Variants in KSR2 observed in about 807,000 individuals in gnomAD.
KSR2 encodes the protein kinase suppressor of ras 2.
KSR2 carries 25 observed loss-of-function variants against 107.8 expected under a neutral mutation model. The ratio of observed to expected loss-of-function variants is 0.23; its 90% CI spans 0.17 to 0.32. The LOEUF is 0.32. KSR2 is among the 10% of genes least tolerant of loss of function. The pLI is 1.00. For synonymous variants in KSR2, 480 were observed against 507.0 expected (o/e 0.95, Z 0.71); for missense variants, 887 against 1,268.9 (o/e 0.70, Z 4.57).
intron 1 of KSR2, among the ~76,000 whole-genome samples, chr12:117,958,755 A>G (rs1896583415): frequency 6.6e-6 from 1 of 152,192 alleles, no homozygotes; most frequent in South Asian, 2.1e-4. Flanking sequence ...TGGGAGACAG[A>G]GGTTGTAGTG....
At chr12:117,848,818 G>GGGTGGTGAT (rs1161885776) in intron 3 of KSR2, among the ~76,000 whole-genome samples, 6 of 143,132 alleles carry the variant, frequency 4.2e-5, no homozygotes, top group Non-Finnish European at 6.1e-5. Context: ...TGATGGTGGT[G>GGGTGGTGAT]GGTGGTGATG....
chr12:117,763,760 T>C (rs1889130675), intron 3 of KSR2, among the ~76,000 whole-genome samples: 1 of 152,140 alleles, frequency 6.6e-6, no homozygotes, highest in African/African-American at 2.4e-5. Flanking sequence ...TTCTCAAAGA[T>C]CACTCAGGCT....
intron 5 of KSR2, among the ~76,000 whole-genome samples, chr12:117,625,946 C>G (rs1037836050): frequency 1.2e-4 from 18 of 152,120 alleles, no homozygotes; most frequent in Non-Finnish European, 5.9e-5. Context: ...TATATGTGTC[C>G]AGGAATTTAT....
chr12:117,527,513 T>C (rs1592958546), intron 12 of KSR2, among the ~76,000 whole-genome samples: 1 of 152,224 alleles, frequency 6.6e-6, no homozygotes, highest in East Asian at 1.9e-4. Context: ...CAGAGCTGTA[T>C]ATGTTTGCCA....
intron 4 of KSR2, among the ~76,000 whole-genome samples, chr12:117,758,157 A>G (rs1888862837): frequency 6.6e-6 from 1 of 152,156 alleles, no homozygotes; most frequent in African/African-American, 2.4e-5. Context: ...GAGAGGTTAA[A>G]TCCAAGGTCA....
At chr12:117,693,807 C>T (rs559675072) in intron 4 of KSR2, among the ~76,000 whole-genome samples, 11 of 152,140 alleles carry the variant, frequency 7.2e-5, no homozygotes, top group South Asian at 4.1e-4. Flanking sequence ...GGTATACCTG[C>T]GGCTCACAGG....
intron 4 of KSR2, among the ~76,000 whole-genome samples, chr12:117,716,321 C>T (rs1886976021): frequency 6.6e-6 from 1 of 152,176 alleles, no homozygotes; most frequent in Non-Finnish European, 1.5e-5. Context: ...GGCCTCCACC[C>T]ATTACACCAA....
chr12:117,784,055 CT>C (rs1593232421), intron 3 of KSR2, among the ~76,000 whole-genome samples: 1 of 152,180 alleles, frequency 6.6e-6, no homozygotes, highest in East Asian at 1.9e-4. Flanking sequence ...ATAATTTTAA[CT>C]TTTGTTACGG....
At chr12:117,637,648 G>A (rs1000669098) in intron 5 of KSR2, among the ~76,000 whole-genome samples, 26 of 144,724 alleles carry the variant, frequency 1.8e-4, no homozygotes, top group African/African-American at 6.6e-4. Flanking sequence ...CAAGAGGCTA[G>A]AAATGGGACC....
chr12:117,628,890 T>C (rs545028323), intron 5 of KSR2, among the ~76,000 whole-genome samples: 1 of 152,370 alleles, frequency 6.6e-6, no homozygotes, highest in South Asian at 2.1e-4. Context: ...TTTGTTTACC[T>C]ACTCAAGCTT....
intron 1 of KSR2, among the ~76,000 whole-genome samples, chr12:117,944,887 G>A (rs2893752): frequency 0.53 from 80,353 of 151,472 alleles, 21,681 homozygotes; most frequent in African/African-American, 0.63. Context: ...ATAATAATAA[G>A]TTAAAACCTA....
At chr12:117,843,346 G>T (rs1413655400) in intron 3 of KSR2, among the ~76,000 whole-genome samples, 1 of 152,158 alleles carries the variant, frequency 6.6e-6, no homozygotes, top group Middle Eastern at 3.2e-3. Context: ...CTAAGAAGCT[G>T]CCAGCAATGG....
intron 5 of KSR2, among the ~76,000 whole-genome samples, chr12:117,600,579 C>T (rs1880884713): frequency 6.6e-6 from 1 of 152,172 alleles, no homozygotes; most frequent in African/African-American, 2.4e-5. Context: ...TGATGAACTC[C>T]TAAAGAAGCA....
chr12:117,602,730 T>C (rs1182524788), intron 5 of KSR2, among the ~76,000 whole-genome samples: 1 of 152,242 alleles, frequency 6.6e-6, no homozygotes, highest in Non-Finnish European at 1.5e-5. Flanking sequence ...TAGGTATTTG[T>C]TTGAAAACCT....
rs747073403 is a variant in KSR2 at position 117,761,310 on chromosome 12, C to T, written c.687G>A (p.Val229=). The part of the protein sequence containing the change: ...PVYTHVDRLT[V]DAYPGLCPPP... The stretch of plus-strand genomic sequence containing the variant: ...GCGGGCACAAGCCCGGGTAGGCGTC[C>T]ACGGTAAGCCTGTCCACGTGGGTGT... Residue 229 remains valine (V), a synonymous_variant, in exon 4 of 20, where the codon GTG becomes GTA. Coordinates refer to ENST00000339824, the MANE Select transcript of KSR2 (RefSeq NM_173598.6). 8.5e-6 allele frequency: 13 copies of T among 1,528,842 alleles called. No homozygotes were observed. Among genetic ancestry groups the T allele is most frequent in the Admixed American group, 6.8e-5 (3 of 44,068 alleles). 94.7% of individuals were successfully genotyped at this position (1,528,842 alleles called of 1,614,324 possible).
At chr12:117,533,816 G>A (rs1875833514) in intron 10 of KSR2, among the ~76,000 whole-genome samples, 1 of 152,148 alleles carries the variant, frequency 6.6e-6, no homozygotes, top group Non-Finnish European at 1.5e-5. Flanking sequence ...AGGGACAGGT[G>A]TCAGGCAACA....
chr12:117,632,399 TG>T (rs1882852554), intron 5 of KSR2, among the ~76,000 whole-genome samples: 1 of 151,862 alleles, frequency 6.6e-6, no homozygotes, highest in African/African-American at 2.4e-5. Flanking sequence ...TAATTTTTTT[TG>T]TATTTTTAGT....
intron 4 of KSR2, among the ~76,000 whole-genome samples, chr12:117,754,591 T>C (rs1888722710): frequency 6.6e-6 from 1 of 151,492 alleles, no homozygotes; most frequent in African/African-American, 2.4e-5. Flanking sequence ...TGGGCTGAGA[T>C]TGTGCCACTG....
At chr12:117,637,776 G>A (rs564331057) in intron 5 of KSR2, among the ~76,000 whole-genome samples, 1 of 139,038 alleles carries the variant, frequency 7.2e-6, no homozygotes, top group African/African-American at 2.7e-5. Context: ...CCACCTCCCA[G>A]GTTCAAGCAA....
Sources: allele counts gnomAD v4.1 joint callset (sites outside exome capture counted in the v4.1 genomes callset), GRCh38; gene constraint gnomAD v4.1.1; transcripts MANE v1.5; gene names NCBI Gene and HGNC (gene_info 2026-07-23, HGNC 2026-07-21).